SYT1: variants seen among roughly 807,000 people sequenced by gnomAD.
The protein encoded by SYT1 is synaptotagmin 1.
In SYT1, 8 loss-of-function variants were observed where a neutral mutation model predicts 44.8. The ratio of observed to expected loss-of-function variants is 0.18; its 90% CI spans 0.10 to 0.32. The LOEUF is 0.32. SYT1 is among the 10% of genes least tolerant of loss of function. The pLI, the probability that SYT1 is intolerant of heterozygous loss-of-function variation, is 1.00. For missense variants in SYT1, 286 were observed against 509.3 expected (o/e 0.56, Z 4.22); for synonymous variants, 154 against 188.8 (o/e 0.82, Z 1.51).
At chr12:79,296,261 C>A (rs765340380) in intron 7 of SYT1, 25 bp downstream of exon 7, 41 of 1,601,064 alleles carry the variant, frequency 2.6e-5, no homozygotes, top group African/African-American at 5.4e-5. Flanking sequence ...TTATTTATAA[C>A]CTTTCCTTTG....
intron 4 of SYT1, among the ~76,000 whole-genome samples, chr12:79,249,822 C>T (rs1029028792): frequency 7.2e-5 from 11 of 152,012 alleles, no homozygotes; most frequent in Admixed American, 7.2e-4. Flanking sequence ...GAGAATGAAG[C>T]CTGTTTTAGA....
intron 6 of SYT1, 24 bp from the exon 7 acceptor site, chr12:79,296,045 G>A (rs1879858756): frequency 6.3e-7 from 1 of 1,598,992 alleles, no homozygotes. Flanking sequence ...ATTTATGTAT[G>A]CTGTATTCTG....
intron 8 of SYT1, among the ~76,000 whole-genome samples, chr12:79,312,523 A>G (rs980137283): frequency 6.6e-5 from 10 of 151,996 alleles, no homozygotes; most frequent in Non-Finnish European, 1.2e-4. Context: ...TGATAAAAGA[A>G]CAAAAAATGA....
chr12:78,888,194 T>C (rs1874852735), intron 1 of SYT1, among the ~76,000 whole-genome samples: 1 of 151,832 alleles, frequency 6.6e-6, no homozygotes, highest in South Asian at 2.1e-4. Flanking sequence ...GATGAGGTAT[T>C]GTAGGTATTG....
At chr12:79,277,109 T>C (rs368013526) in intron 4 of SYT1, among the ~76,000 whole-genome samples, 14 of 152,150 alleles carry the variant, frequency 9.2e-5, no homozygotes, top group South Asian at 6.2e-4. Flanking sequence ...TGCTGGAATA[T>C]TAGACATCTA....
At chr12:79,327,380 C>T (rs4133129) in intron 8 of SYT1, among the ~76,000 whole-genome samples, 9,283 of 152,188 alleles carry the variant, frequency 0.061, 471 homozygotes, top group African/African-American at 0.14. Flanking sequence ...TCCCTGAAAG[C>T]TATAGGACTG....
intron 2 of SYT1, among the ~76,000 whole-genome samples, chr12:79,022,587 A>C (rs902028352): frequency 4.0e-5 from 6 of 151,682 alleles, no homozygotes; most frequent in Non-Finnish European, 8.8e-5. Context: ...CATGCTTCTT[A>C]TTATTTGTTT....
chr12:79,123,261 G>A (rs1365972299), intron 3 of SYT1, among the ~76,000 whole-genome samples: 1 of 151,206 alleles, frequency 6.6e-6, no homozygotes, highest in East Asian at 1.9e-4. Context: ...TCCTATCAAT[G>A]GGTCCAGTAC....
At chr12:79,157,458 A>G (rs1399590218) in intron 3 of SYT1, among the ~76,000 whole-genome samples, 2 of 152,172 alleles carry the variant, frequency 1.3e-5, no homozygotes, top group African/African-American at 4.8e-5. Flanking sequence ...AAAGTGACAA[A>G]AAGTCCCCCA....
At chr12:78,885,492 T>A (rs1874698855) in intron 1 of SYT1, among the ~76,000 whole-genome samples, 1 of 151,468 alleles carries the variant, frequency 6.6e-6, no homozygotes, top group South Asian at 2.1e-4. Context: ...GAGTAGAGAG[T>A]GCCAAGTTGG....
At chr12:79,342,303 C>T (rs530298750) in intron 8 of SYT1, among the ~76,000 whole-genome samples, 40 of 152,238 alleles carry the variant, frequency 2.6e-4, no homozygotes, top group African/African-American at 7.9e-4. Context: ...ACAATCATAG[C>T]TCACTGAAGA....
At chr12:79,202,913 A>T (rs1420060273) in intron 3 of SYT1, among the ~76,000 whole-genome samples, 1 of 152,150 alleles carries the variant, frequency 6.6e-6, no homozygotes. Context: ...GCTGAACTTC[A>T]CCATAATTTA....
chr12:79,041,310 T>G (rs995495525), intron 2 of SYT1, among the ~76,000 whole-genome samples: 4 of 152,176 alleles, frequency 2.6e-5, no homozygotes, highest in African/African-American at 9.7e-5. Flanking sequence ...TGAGCAGTGG[T>G]TTGTAGTTCT....
At chr12:79,199,739 AT>A (rs1565851353) in intron 3 of SYT1, among the ~76,000 whole-genome samples, 1 of 152,168 alleles carries the variant, frequency 6.6e-6, no homozygotes, top group African/African-American at 2.4e-5. Context: ...ATAAATACGT[AT>A]CATAAGCACT....
At chr12:79,184,181 C>T (rs961998676) in intron 3 of SYT1, among the ~76,000 whole-genome samples, 5 of 151,844 alleles carry the variant, frequency 3.3e-5, no homozygotes, top group Admixed American at 6.6e-5. Context: ...TTCTATTTCA[C>T]GTGATGGAAA....
At chr12:78,999,603 G>T (rs1349891570) in intron 2 of SYT1, among the ~76,000 whole-genome samples, 1 of 152,098 alleles carries the variant, frequency 6.6e-6, no homozygotes, top group Non-Finnish European at 1.5e-5. Flanking sequence ...ATAGCAACTG[G>T]AATTAAAATA....
intron 9 of SYT1, among the ~76,000 whole-genome samples, chr12:79,373,223 C>T (rs1337709189): frequency 1.3e-5 from 2 of 152,140 alleles, no homozygotes; most frequent in East Asian, 1.9e-4. Flanking sequence ...GCTTAACTAG[C>T]TTAGGTTTGT....
intron 9 of SYT1, among the ~76,000 whole-genome samples, chr12:79,363,428 A>C (rs1424840558): frequency 6.6e-6 from 1 of 152,058 alleles, no homozygotes; most frequent in African/African-American, 2.4e-5. Flanking sequence ...ACAGTCTTTT[A>C]AAAACAACTG....
At chr12:79,250,413 A>C (rs1565875491) in intron 4 of SYT1, among the ~76,000 whole-genome samples, 1 of 152,204 alleles carries the variant, frequency 6.6e-6, no homozygotes, top group Non-Finnish European at 1.5e-5. Flanking sequence ...CTCACGTTGA[A>C]TCACCCTCAG....
Sources: allele counts gnomAD v4.1 joint callset (sites outside exome capture counted in the v4.1 genomes callset), GRCh38; gene constraint gnomAD v4.1.1; transcripts MANE v1.5; gene names NCBI Gene and HGNC (gene_info 2026-07-23, HGNC 2026-07-21).